The following ZBTB7C variants were observed in gnomAD, a reference collection of about 807,000 sequenced individuals.
ZBTB7C encodes the protein zinc finger and BTB domain containing 7C, also known as zinc finger and BTB domain-containing protein 7C.
Under a neutral mutation model 25.7 loss-of-function variants are expected in ZBTB7C, and 8 were observed. The ratio of observed to expected loss-of-function variants is 0.31; its 90% CI spans 0.18 to 0.56. ZBTB7C has a LOEUF of 0.56. Ranked by LOEUF, ZBTB7C falls within the 20% of genes least tolerant of loss-of-function variation. The pLI is 0.91. For missense variants in ZBTB7C, 824 were observed against 855.2 expected (o/e 0.96, Z 0.46); for synonymous variants, 394 against 369.0 (o/e 1.07, Z -0.78).
intron 1 of ZBTB7C, among the ~76,000 whole-genome samples, chr18:48,358,616 C>A (rs1290728834): frequency 6.6e-6 from 1 of 152,216 alleles, no homozygotes; most frequent in African/African-American, 2.4e-5. Context: ...ACAACTCTTG[C>A]AGGCATGGAA....
intron 3 of ZBTB7C, among the ~76,000 whole-genome samples, chr18:48,080,456 C>T (rs112381310): frequency 9.9e-5 from 15 of 152,224 alleles, no homozygotes; most frequent in Non-Finnish European, 1.6e-4. Context: ...ACAAACAATG[C>T]TCTAATTAAT....
At chr18:48,391,281 C>T (rs1185695576) in intron 1 of ZBTB7C, among the ~76,000 whole-genome samples, 1 of 152,208 alleles carries the variant, frequency 6.6e-6, no homozygotes, top group Admixed American at 6.5e-5. Context: ...GAAGATGTCT[C>T]TCAGTCTTCT....
chr18:48,354,672 G>A (rs1330831004), intron 1 of ZBTB7C, among the ~76,000 whole-genome samples: 1 of 152,118 alleles, frequency 6.6e-6, no homozygotes, highest in Non-Finnish European at 1.5e-5. Context: ...GAGAGACATG[G>A]ATATTTCTTG....
At position 48,177,977 on chromosome 18, in the gene ZBTB7C, C is replaced by T. The variant is rs374502323; in HGVS notation, c.-17+7957G>A. Among the ~76,000 whole-genome samples, 308 of 151,718 alleles carry T rather than the reference C, an allele frequency of 2.0e-3. 4 individuals are homozygous for T. Among genetic ancestry groups the T allele is most frequent in the African/African-American group, 6.0e-3 (246 of 41,116 alleles). ...TCACAGCGCTGGTAAGGTGGCCCCT[C>T]CACCCCACCCTCACTGTCTCTACTT... On this transcript the variant is annotated intron_variant, in intron 3 of 4. Transcript: ENST00000590800.
At chr18:48,195,419 T>A (rs1259647697) in intron 2 of ZBTB7C, among the ~76,000 whole-genome samples, 1 of 152,134 alleles carries the variant, frequency 6.6e-6, no homozygotes, top group Non-Finnish European at 1.5e-5. Context: ...ATCTGATGGT[T>A]TTATAAAGGG....
chr18:48,401,251 T>A (rs1368171455), intron 1 of ZBTB7C, among the ~76,000 whole-genome samples: 4 of 152,190 alleles, frequency 2.6e-5, no homozygotes, highest in African/African-American at 9.7e-5. Context: ...TTGGCATCGA[T>A]CCTGTCTTTT....
At chr18:48,178,651 A>G (rs889713267) in intron 3 of ZBTB7C, among the ~76,000 whole-genome samples, 1 of 152,214 alleles carries the variant, frequency 6.6e-6, no homozygotes, top group African/African-American at 2.4e-5. Flanking sequence ...TTCTATTAAA[A>G]TCAAAATATT....
Position 48,029,086 on chromosome 18 carries a change from G to T in ZBTB7C, c.*174C>A, listed in dbSNP as rs1331775146. The T allele has an allele frequency of 6.0e-5, 57 of 950,088 alleles. No individual in the cohort carries two copies. The highest frequency in any genetic ancestry group is 2.9e-6 in the Non-Finnish European group (2 of 684,918). The allele number at this position is 950,088 out of a possible 1,614,324, so 58.9% of individuals were successfully genotyped here. On this transcript the variant is annotated 3_prime_UTR_variant, in exon 5 of 5. Coordinates refer to ENST00000590800, the MANE Select transcript of ZBTB7C (RefSeq NM_001318841.2). The stretch of plus-strand genomic sequence containing the variant: ...GATGCCCGTCTCAGACCAGCAAAAG[G>T]AGGCAGCTGCTTTAGGAGCCCGGGA...
At chr18:48,192,111 C>T (rs756381251) in intron 2 of ZBTB7C, among the ~76,000 whole-genome samples, 1 of 151,956 alleles carries the variant, frequency 6.6e-6, no homozygotes, top group African/African-American at 2.4e-5. Flanking sequence ...TGTAATTCAG[C>T]GATAAAAAGA....
intron 2 of ZBTB7C, among the ~76,000 whole-genome samples, chr18:48,223,964 C>T (rs2043023143): frequency 6.6e-6 from 1 of 152,124 alleles, no homozygotes; most frequent in African/African-American, 2.4e-5. Flanking sequence ...CTTTAAAAGG[C>T]CTTATAAAAG....
At chr18:48,081,419 C>T (rs1200695957) in intron 3 of ZBTB7C, among the ~76,000 whole-genome samples, 1 of 151,876 alleles carries the variant, frequency 6.6e-6, no homozygotes, top group Non-Finnish European at 1.5e-5. Flanking sequence ...TGTGGTTTTG[C>T]TCATTCTAAA....
chr18:48,358,824 G>C (rs918193173), intron 1 of ZBTB7C, among the ~76,000 whole-genome samples: 48 of 152,178 alleles, frequency 3.2e-4, no homozygotes, highest in Non-Finnish European at 2.9e-4. Context: ...TGTACACTTA[G>C]AGGGATGAAC....
At chr18:48,171,497 G>T (rs1260627027) in intron 3 of ZBTB7C, among the ~76,000 whole-genome samples, 1 of 152,242 alleles carries the variant, frequency 6.6e-6, no homozygotes, top group Non-Finnish European at 1.5e-5. Context: ...CAGCAACTAT[G>T]CGGCTGGAAG....
intron 3 of ZBTB7C, chr18:48,041,471 A>T: frequency 1.0e-6 from 1 of 985,432 alleles, no homozygotes; most frequent in Non-Finnish European, 1.2e-6. Context: ...AAGCCTCATG[A>T]ACCTAGCTGT....
intron 3 of ZBTB7C, among the ~76,000 whole-genome samples, chr18:48,116,415 C>T (rs1274862820): frequency 6.6e-6 from 1 of 152,212 alleles, no homozygotes; most frequent in Admixed American, 6.5e-5. Flanking sequence ...TTCCCAGGAC[C>T]TACCAGCGAT....
At chr18:48,320,462 G>A (rs2046063119) in intron 2 of ZBTB7C, among the ~76,000 whole-genome samples, 1 of 152,200 alleles carries the variant, frequency 6.6e-6, no homozygotes. Flanking sequence ...AGAACTGGGG[G>A]CAGAGGCTGG....
rs1051620031 is a variant in ZBTB7C at position 48,226,090 on chromosome 18, G to A, written c.-78-40095C>T. Among the ~76,000 whole-genome samples the A allele has an allele frequency of 1.4e-4, 21 of 152,146 alleles. 1 individual carries two copies. The highest frequency in any genetic ancestry group is 7.9e-4 in the Admixed American group (12 of 15,278). ...GGAGAGACATGAAAAAATAAGCCCC[G>A]TCATCTCAGACTGTTCCAGCTGAAC... On this transcript the variant is annotated intron_variant, in intron 2 of 4. Coordinates refer to ENST00000590800, the MANE Select transcript of ZBTB7C (RefSeq NM_001318841.2).
chr18:48,193,335 C>T (rs1308572684), intron 2 of ZBTB7C, among the ~76,000 whole-genome samples: 1 of 151,158 alleles, frequency 6.6e-6, no homozygotes, highest in Admixed American at 6.7e-5. Flanking sequence ...GACTTAGCCC[C>T]CTCCTCGCAG....
At chr18:48,033,672 G>A (rs889930724) in intron 4 of ZBTB7C, among the ~76,000 whole-genome samples, 1 of 152,224 alleles carries the variant, frequency 6.6e-6, no homozygotes, top group Non-Finnish European at 1.5e-5. Flanking sequence ...AGTGGGCCCA[G>A]TAAGTGACAC....
Sources: allele counts gnomAD v4.1 joint callset (sites outside exome capture counted in the v4.1 genomes callset), GRCh38; gene constraint gnomAD v4.1.1; transcripts MANE v1.5; gene names NCBI Gene and HGNC (gene_info 2026-07-23, HGNC 2026-07-21).